The following NRXN3 variants were observed in gnomAD, a reference collection of about 807,000 sequenced individuals.
The protein encoded by NRXN3 is neurexin 3.
Under a neutral mutation model 137.6 loss-of-function variants are expected in NRXN3, and 32 were observed. That is an observed-to-expected ratio of 0.23 (90% CI 0.18 to 0.31). NRXN3 has a LOEUF of 0.31. Among genes scored for constraint, NRXN3 ranks in the 10% least tolerant of loss-of-function variants. The probability of loss-of-function intolerance (pLI) is 1.00; values close to 1 mark genes in which losing one functional copy is unlikely to be tolerated. For missense variants in NRXN3, 1,574 were observed against 2,062.5 expected (o/e 0.76, Z 4.59); for synonymous variants, 798 against 784.5 (o/e 1.02, Z -0.29).
intron 15 of NRXN3, among the ~76,000 whole-genome samples, chr14:79,316,230 C>T (rs2088637026): frequency 6.6e-6 from 1 of 152,274 alleles, no homozygotes; most frequent in African/African-American, 2.4e-5. Flanking sequence ...GTTTCCAACA[C>T]CTTGTAAATG....
intron 4 of NRXN3, among the ~76,000 whole-genome samples, chr14:78,314,927 CTTTCTTTCTTTCTTT>C (rs61306470): frequency 1.1e-3 from 133 of 119,216 alleles, no homozygotes; most frequent in African/African-American, 4.7e-3. Context: ...TTCTTTCTTT[CTTTCTTTCTTTCTTT>C]CTTCCTTCCT....
At chr14:78,662,346 A>C (rs1365176665) in intron 6 of NRXN3, among the ~76,000 whole-genome samples, 1 of 152,086 alleles carries the variant, frequency 6.6e-6, no homozygotes, top group Non-Finnish European at 1.5e-5. Flanking sequence ...GCCTGTGCCC[A>C]AGGTTTGAGA....
intron 15 of NRXN3, among the ~76,000 whole-genome samples, chr14:79,337,851 G>A (rs921824737): frequency 1.3e-5 from 2 of 152,074 alleles, no homozygotes; most frequent in African/African-American, 4.8e-5. Context: ...CGTATTACTG[G>A]TTTGTTATGT....
At chr14:79,192,171 AC>A (rs1486245754) in intron 15 of NRXN3, among the ~76,000 whole-genome samples, 2 of 152,170 alleles carry the variant, frequency 1.3e-5, no homozygotes, top group Non-Finnish European at 2.9e-5. Flanking sequence ...ACAGATCCCA[AC>A]TGGATTGGGA....
At chr14:79,494,655 T>C (rs903022580) in intron 16 of NRXN3, among the ~76,000 whole-genome samples, 1 of 152,218 alleles carries the variant, frequency 6.6e-6, no homozygotes, top group Non-Finnish European at 1.5e-5. Context: ...TCCAGAAATA[T>C]AGTTTTTTAA....
chr14:79,270,812 T>A (rs2079182951), intron 15 of NRXN3, among the ~76,000 whole-genome samples: 1 of 152,212 alleles, frequency 6.6e-6, no homozygotes, highest in Non-Finnish European at 1.5e-5. Flanking sequence ...AATCTGTTTC[T>A]TCTACCTATG....
intron 16 of NRXN3, among the ~76,000 whole-genome samples, chr14:79,518,153 C>A (rs1038268158): frequency 2.3e-4 from 35 of 152,004 alleles, no homozygotes; most frequent in African/African-American, 8.0e-4. Flanking sequence ...GATCCACCCG[C>A]TTCAGCCTCC....
intron 10 of NRXN3, among the ~76,000 whole-genome samples, chr14:78,843,668 G>A (rs1481473898): frequency 6.6e-6 from 1 of 152,026 alleles, no homozygotes; most frequent in Non-Finnish European, 1.5e-5. Flanking sequence ...TCTTTTCCTT[G>A]GGTAATTCCA....
At chr14:78,345,531 A>G (rs908630482) in intron 4 of NRXN3, among the ~76,000 whole-genome samples, 2 of 152,146 alleles carry the variant, frequency 1.3e-5, no homozygotes, top group Admixed American at 1.3e-4. Flanking sequence ...GCCTCTTCCC[A>G]AGGGACTTGG....
At chr14:79,437,836 C>T (rs866182247) in intron 15 of NRXN3, among the ~76,000 whole-genome samples, 48 of 152,298 alleles carry the variant, frequency 3.2e-4, no homozygotes, top group Middle Eastern at 6.8e-3. Flanking sequence ...GTCACTGGAC[C>T]TCTTTGAGTC....
chr14:78,718,945 C>G (rs1393139205), intron 8 of NRXN3, among the ~76,000 whole-genome samples: 4 of 152,218 alleles, frequency 2.6e-5, no homozygotes, highest in African/African-American at 9.6e-5. Flanking sequence ...AGGAAACAGT[C>G]TAGCTGGTCT....
At chr14:79,575,275 T>C (rs1010651871) in intron 16 of NRXN3, among the ~76,000 whole-genome samples, 1 of 152,136 alleles carries the variant, frequency 6.6e-6, no homozygotes, top group African/African-American at 2.4e-5. Context: ...CTTCTTAGGC[T>C]TCTAAGCCCT....
At chr14:78,922,732 G>A (rs1047432300) in intron 10 of NRXN3, among the ~76,000 whole-genome samples, 1 of 152,122 alleles carries the variant, frequency 6.6e-6, no homozygotes, top group African/African-American at 2.4e-5. Context: ...AGAGCATCAG[G>A]ATAAATAGCT....
intron 16 of NRXN3, among the ~76,000 whole-genome samples, chr14:79,473,454 G>C (rs1430516612): frequency 6.6e-6 from 1 of 152,084 alleles, no homozygotes; most frequent in Non-Finnish European, 1.5e-5. Flanking sequence ...CTCTATGTGG[G>C]ATATTTACAG....
intron 1 of NRXN3, among the ~76,000 whole-genome samples, chr14:78,225,486 G>C (rs561066629): frequency 3.9e-4 from 59 of 152,192 alleles, no homozygotes; most frequent in Non-Finnish European, 7.5e-4. Context: ...GTACATTGTA[G>C]ATTCTGGATA....
chr14:78,765,738 T>C (rs553351055), intron 8 of NRXN3, among the ~76,000 whole-genome samples: 40 of 151,360 alleles, frequency 2.6e-4, no homozygotes, highest in Admixed American at 5.9e-4. Context: ...TATATATATA[T>C]ACACACACAC....
At chr14:78,948,235 G>C (rs1303029381) in intron 10 of NRXN3, among the ~76,000 whole-genome samples, 2 of 152,180 alleles carry the variant, frequency 1.3e-5, no homozygotes, top group African/African-American at 4.8e-5. Flanking sequence ...TGCATAGGTG[G>C]GAGAGATGAA....
chr14:78,409,502 C>A (rs774851609), intron 4 of NRXN3, among the ~76,000 whole-genome samples: 21 of 152,212 alleles, frequency 1.4e-4, no homozygotes, highest in Non-Finnish European at 2.8e-4. Flanking sequence ...CCTTCCTTTG[C>A]ATTCAAAATT....
At chr14:78,749,269 A>G (rs2098629614) in intron 8 of NRXN3, among the ~76,000 whole-genome samples, 1 of 152,186 alleles carries the variant, frequency 6.6e-6, no homozygotes, top group African/African-American at 2.4e-5. Context: ...CAAGTTGACA[A>G]ATGAGAAACA....
Sources: gnomAD v4.1 joint callset for allele counts (sites outside exome capture counted in the v4.1 genomes callset) on GRCh38, gnomAD v4.1.1 for gene constraint, MANE v1.5 for transcripts, NCBI Gene and HGNC (gene_info 2026-07-23, HGNC 2026-07-21) for gene names.